ARHGAP22: variants seen among roughly 807,000 people sequenced by gnomAD.
ARHGAP22 encodes rho GTPase-activating protein 22.
A neutral mutation model predicts 59.1 loss-of-function variants in ARHGAP22; 48 were observed. The observed-to-expected ratio is 0.81, with a 90% CI of 0.64 to 1.03. The LOEUF (loss-of-function observed/expected upper bound fraction) is 1.03. Ranked by LOEUF, ARHGAP22 falls within the 50% of genes least tolerant of loss-of-function variation. ARHGAP22 has a pLI of 0.00. For missense variants in ARHGAP22, 1,015 were observed against 958.7 expected (o/e 1.06, Z -0.78); for synonymous variants, 445 against 416.4 (o/e 1.07, Z -0.84).
Position 48,489,691 on chromosome 10 carries a change from C to T in ARHGAP22, c.323-9927G>A, listed in dbSNP as rs7894989. On this transcript the variant is annotated intron_variant, in intron 3 of 9. Transcript: ENST00000249601. ...TGTCTGTGTGGCCACTGTGTTTCCA[C>T]CCCATCCCATTACACATGACAGACT... Among the ~76,000 whole-genome samples the T allele has an allele frequency of 3.1e-3, 470 of 151,810 alleles. 2 individuals carry two copies. The highest frequency in any genetic ancestry group is 0.011 in the African/African-American group (447 of 41,386).
intron 3 of ARHGAP22, among the ~76,000 whole-genome samples, chr10:48,484,077 T>C (rs2049608733): frequency 6.6e-6 from 1 of 152,196 alleles, no homozygotes; most frequent in Non-Finnish European, 1.5e-5. Context: ...AGAGATGGGG[T>C]CTAGTCTCAG....
At chr10:48,557,471 A>G (rs1432344705) in intron 2 of ARHGAP22, among the ~76,000 whole-genome samples, 1 of 152,210 alleles carries the variant, frequency 6.6e-6, no homozygotes, top group African/African-American at 2.4e-5. Context: ...TTTAATGTAG[A>G]GACCCCAGAG....
intron 3 of ARHGAP22, among the ~76,000 whole-genome samples, chr10:48,542,885 G>C (rs1034406534): frequency 2.0e-5 from 3 of 152,158 alleles, no homozygotes; most frequent in Non-Finnish European, 4.4e-5. Flanking sequence ...TCCTTGCCCA[G>C]GTTGGTGTCT....
chr10:48,577,725 C>A (rs564110649), intron 2 of ARHGAP22, among the ~76,000 whole-genome samples: 46 of 146,558 alleles, frequency 3.1e-4, no homozygotes, highest in Non-Finnish European at 5.9e-4. Context: ...TCCAGTCTTA[C>A]AGCTGAGTCG....
chr10:48,629,319 T>G (rs960881771), intron 1 of ARHGAP22, among the ~76,000 whole-genome samples: 2 of 152,234 alleles, frequency 1.3e-5, no homozygotes, highest in Non-Finnish European at 2.9e-5. Context: ...TGATTTTGCC[T>G]TTTGCTCAGT....
At chr10:48,637,559 AATGG>A (rs1003229926) in intron 1 of ARHGAP22, among the ~76,000 whole-genome samples, 2 of 150,588 alleles carry the variant, frequency 1.3e-5, no homozygotes, top group South Asian at 2.1e-4. Context: ...TGGATGGGTA[AATGG>A]ATGGATGGAT....
At chr10:48,586,877 G>A (rs10491036) in intron 1 of ARHGAP22, among the ~76,000 whole-genome samples, 1 of 152,126 alleles carries the variant, frequency 6.6e-6, no homozygotes, top group African/African-American at 2.4e-5. Flanking sequence ...TACAATCCTG[G>A]AGTCCTGGAG....
chr10:48,555,940 T>A (rs2057279506), intron 2 of ARHGAP22, among the ~76,000 whole-genome samples: 1 of 152,032 alleles, frequency 6.6e-6, no homozygotes, highest in Non-Finnish European at 1.5e-5. Context: ...TGAGGCAACA[T>A]GGGGGAAAGG....
At chr10:48,531,270 G>A (rs185886096) in intron 3 of ARHGAP22, among the ~76,000 whole-genome samples, 203 of 152,298 alleles carry the variant, frequency 1.3e-3, no homozygotes, top group African/African-American at 4.7e-3. Context: ...GGAATTGGGG[G>A]AAAGGGTGGC....
chr10:48,501,791 C>T (rs2051550572), intron 3 of ARHGAP22, among the ~76,000 whole-genome samples: 1 of 151,706 alleles, frequency 6.6e-6, no homozygotes, highest in Non-Finnish European at 1.5e-5. Flanking sequence ...ACGGGATGCT[C>T]CGTTACTATG....
downstream of ARHGAP22, among the ~76,000 whole-genome samples, chr10:48,443,085 G>C (rs758158943): frequency 2.6e-5 from 4 of 152,102 alleles, no homozygotes; most frequent in Non-Finnish European, 5.9e-5. Flanking sequence ...ACAAAAGCTG[G>C]GGGATGCTAT....
chr10:48,530,256 A>AAAAAAAC (rs1309275797), intron 3 of ARHGAP22, among the ~76,000 whole-genome samples: 1 of 151,360 alleles, frequency 6.6e-6, no homozygotes, highest in Admixed American at 6.6e-5. Context: ...AAAAAAAAAA[A>AAAAAAAC]AAAAATCAAC....
rs1270428951 is a variant in ARHGAP22 at position 48,583,083 on chromosome 10, A to C, written c.104T>G (p.Leu35Arg). 6.2e-7 allele frequency: 1 copy of C among 1,614,280 alleles called. No homozygotes were observed. Residue 35 changes from leucine to arginine, a missense_variant, in exon 2 of 10, where the codon CTG becomes CGG. Transcript: ENST00000249601. ...SPGRMPCPHR[L>R]GPVLKAGWLK... ...CCAGCCCGCCTTCAGCACGGGGCCCAGCCTGTGAGGGCACGGCATCCGCCC... is the reference window on the plus strand; with the variant it reads ...CCAGCCCGCCTTCAGCACGGGGCCCCGCCTGTGAGGGCACGGCATCCGCCC...
At chr10:48,479,595 C>T (rs2049084756) in intron 4 of ARHGAP22, 41 bp downstream of exon 4, 2 of 1,613,458 alleles carry the variant, frequency 1.2e-6, no homozygotes, top group South Asian at 2.2e-5. Flanking sequence ...TACCTGGAGG[C>T]AAGGGTTCTA....
chr10:48,456,479 A>C (rs1234393131), intron 5 of ARHGAP22, among the ~76,000 whole-genome samples: 1 of 152,028 alleles, frequency 6.6e-6, no homozygotes, highest in Non-Finnish European at 1.5e-5. Flanking sequence ...CTCCCGGGCC[A>C]TGTTCCTGGC....
chr10:48,506,683 C>A (rs1046543416), intron 3 of ARHGAP22, among the ~76,000 whole-genome samples: 2 of 152,136 alleles, frequency 1.3e-5, no homozygotes, highest in Non-Finnish European at 2.9e-5. Flanking sequence ...AGTCTAAGTG[C>A]ATGCGCCCCC....
chr10:48,496,226 C>T (rs1171540965), intron 3 of ARHGAP22, among the ~76,000 whole-genome samples: 1 of 152,134 alleles, frequency 6.6e-6, no homozygotes, highest in Non-Finnish European at 1.5e-5. Context: ...CACAACCATC[C>T]CCCTTATGGT....
chr10:48,642,392 A>G (rs1388194572), intron 1 of ARHGAP22, among the ~76,000 whole-genome samples: 3 of 152,244 alleles, frequency 2.0e-5, no homozygotes, highest in African/African-American at 7.2e-5. Flanking sequence ...AAACAGAGAT[A>G]TAGACCAATG....
intron 3 of ARHGAP22, among the ~76,000 whole-genome samples, chr10:48,496,732 C>T (rs980004963): frequency 2.0e-4 from 31 of 152,136 alleles, no homozygotes; most frequent in East Asian, 3.9e-4. Flanking sequence ...TCTGTACTGC[C>T]GTGTGCCGGT....
Sources: allele counts gnomAD v4.1 joint callset (sites outside exome capture counted in the v4.1 genomes callset), GRCh38; gene constraint gnomAD v4.1.1; transcripts MANE v1.5; gene names NCBI Gene and HGNC (gene_info 2026-07-23, HGNC 2026-07-21).